Variants in SPOCK1 observed in about 807,000 individuals in gnomAD.
The protein encoded by SPOCK1 is testican-1.
SPOCK1 carries 23 observed loss-of-function variants against 55.3 expected under a neutral mutation model. The ratio of observed to expected loss-of-function variants is 0.42; its 90% confidence interval spans 0.30 to 0.59. The LOEUF is 0.59. Ranked by LOEUF, SPOCK1 falls within the 20% of genes least tolerant of loss-of-function variation. The pLI is 0.22. For missense variants in SPOCK1, 499 were observed against 552.5 expected (o/e 0.90, Z 0.97); for synonymous variants, 226 against 221.0 (o/e 1.02, Z -0.20).
chr5:137,159,293 C>A (rs1442071953), intron 3 of SPOCK1, among the ~76,000 whole-genome samples: 1 of 152,136 alleles, frequency 6.6e-6, no homozygotes, highest in East Asian at 1.9e-4. Context: ...TTTAAATATT[C>A]TAGGCCATAG....
chr5:137,179,683 G>C (rs1447015641), intron 3 of SPOCK1, among the ~76,000 whole-genome samples: 1 of 152,150 alleles, frequency 6.6e-6, no homozygotes, highest in Non-Finnish European at 1.5e-5. Context: ...CATTCCTGAG[G>C]TTGGGTAGCC....
At chr5:137,431,419 A>G (rs1752740520) in intron 2 of SPOCK1, among the ~76,000 whole-genome samples, 1 of 152,214 alleles carries the variant, frequency 6.6e-6, no homozygotes, top group South Asian at 2.1e-4. Context: ...TGAACATACT[A>G]TAACTGCCTT....
intron 2 of SPOCK1, among the ~76,000 whole-genome samples, chr5:137,333,961 C>G (rs1466597014): frequency 1.3e-5 from 2 of 152,166 alleles, no homozygotes; most frequent in African/African-American, 2.4e-5. Context: ...ATGTCCAATG[C>G]ATCACTGTGA....
Position 137,423,588 on chromosome 5 carries a change from C to T in SPOCK1, c.186+74785G>A, listed in dbSNP as rs188298557. Among the ~76,000 whole-genome samples, 307 of 152,298 alleles carry T rather than the reference C, an allele frequency of 2.0e-3. 6 individuals carry two copies. Among genetic ancestry groups the T allele is most frequent in the Admixed American group, 0.017 (258 of 15,306 alleles). On this transcript the variant is annotated intron_variant, in intron 2 of 10. Transcript: ENST00000394945. ...GGCAATGGACCCTCTGAGCCAGGCG[C>T]GGGATATAATCTCCTGGGGTGCCGT...
At chr5:137,138,705 C>G (rs928223288) in intron 4 of SPOCK1, among the ~76,000 whole-genome samples, 3 of 143,788 alleles carry the variant, frequency 2.1e-5, no homozygotes, top group East Asian at 2.2e-4. Context: ...ATAATAACCC[C>G]CCCCCCCCAA....
intron 2 of SPOCK1, among the ~76,000 whole-genome samples, chr5:137,493,797 A>G (rs963388133): frequency 6.6e-6 from 1 of 152,136 alleles, no homozygotes; most frequent in Non-Finnish European, 1.5e-5. Context: ...ACTAAGCCAT[A>G]CCACCTCTTT....
At chr5:137,276,674 A>G (rs1355056109) in intron 2 of SPOCK1, among the ~76,000 whole-genome samples, 5 of 152,212 alleles carry the variant, frequency 3.3e-5, no homozygotes, top group Admixed American at 6.5e-5. Context: ...TGATGGTTCT[A>G]TGACCTGGAG....
At chr5:137,320,904 C>T (rs185166893) in intron 2 of SPOCK1, among the ~76,000 whole-genome samples, 5 of 152,160 alleles carry the variant, frequency 3.3e-5, no homozygotes, top group South Asian at 4.2e-4. Context: ...AAATAAATAT[C>T]CAGAAATTGG....
rs76705082 is a variant in SPOCK1, at chr5:137,118,858, C to T, written c.348-6297G>A. ...AAACTGTTTTCGCTCTGCATATGAA[C>T]AGCTGCTGAAGGAGTAAAGCAATTC... is the stretch of plus-strand genomic sequence containing the variant. On this transcript the variant is annotated intron_variant, in intron 4 of 10. Coordinates refer to ENST00000394945, the MANE Select transcript of SPOCK1 (RefSeq NM_004598.4). 8.3e-4 allele frequency among the ~76,000 whole-genome samples: 127 copies of T among 152,330 alleles called. 9 individuals carry two copies. In the East Asian group the frequency reaches 0.024, roughly 29 times the overall value.
intron 3 of SPOCK1, among the ~76,000 whole-genome samples, chr5:137,210,740 T>C (rs1240020390): frequency 1.3e-5 from 2 of 152,148 alleles, no homozygotes; most frequent in Non-Finnish European, 2.9e-5. Flanking sequence ...GAGGTGAAGG[T>C]TTGCCCAGTG....
intron 5 of SPOCK1, among the ~76,000 whole-genome samples, chr5:137,091,933 A>G (rs1753061058): frequency 6.6e-6 from 1 of 152,108 alleles, no homozygotes; most frequent in African/African-American, 2.4e-5. Context: ...AAAGTGCTCA[A>G]TTATGTCAGT....
intron 5 of SPOCK1, among the ~76,000 whole-genome samples, chr5:137,087,781 C>A (rs539340310): frequency 6.6e-6 from 1 of 151,980 alleles, no homozygotes; most frequent in South Asian, 2.1e-4. Context: ...CCAAGCCCCA[C>A]GAGAGGGAGA....
At chr5:137,264,010 A>C (rs1756799935) in intron 3 of SPOCK1, among the ~76,000 whole-genome samples, 1 of 152,146 alleles carries the variant, frequency 6.6e-6, no homozygotes, top group Admixed American at 6.5e-5. Flanking sequence ...AAGCAATTAC[A>C]GCTAAGTAAC....
intron 3 of SPOCK1, among the ~76,000 whole-genome samples, chr5:137,143,013 T>C (rs1754127933): frequency 6.6e-6 from 1 of 152,230 alleles, no homozygotes; most frequent in Non-Finnish European, 1.5e-5. Flanking sequence ...GCGTTTCTGC[T>C]GCTTGAACAG....
At chr5:137,262,468 G>A (rs1388601771) in intron 3 of SPOCK1, among the ~76,000 whole-genome samples, 1 of 152,148 alleles carries the variant, frequency 6.6e-6, no homozygotes, top group Non-Finnish European at 1.5e-5. Context: ...CTGTTACCCA[G>A]ACCAACTCTA....
At chr5:137,260,168 A>G (rs941275041) in intron 3 of SPOCK1, among the ~76,000 whole-genome samples, 4 of 152,146 alleles carry the variant, frequency 2.6e-5, no homozygotes, top group African/African-American at 9.7e-5. Context: ...GCACATTTTA[A>G]CAGTGGCAGA....
intron 3 of SPOCK1, among the ~76,000 whole-genome samples, chr5:137,151,940 C>T (rs1561628367): frequency 6.6e-6 from 1 of 152,190 alleles, no homozygotes; most frequent in South Asian, 2.1e-4. Context: ...TATTTGAAGA[C>T]TATTCATTTC....
rs1191051173 is a variant in SPOCK1, at chr5:137,356,798, A to AATATATAT, written c.187-89751_187-89744dup. Among the ~76,000 whole-genome samples the AATATATAT allele has an allele frequency of 7.1e-3, 97 of 13,634 alleles. 3 individuals are homozygous for AATATATAT. Among genetic ancestry groups the AATATATAT allele is most frequent in the African/African-American group, 9.3e-3 (26 of 2,806 alleles). 8.9% of individuals were successfully genotyped at this position (13,634 alleles called of 152,430 possible). A position where few individuals can be genotyped will look rare whatever the true frequency, so the allele number is the denominator to read the frequency against. On this transcript the variant is annotated intron_variant, in intron 2 of 10. Transcript: ENST00000394945. ...AGAGCAAGACTGTCTCAAAAAAAAT[A>AATATATAT]ATATATATATATATATATATATATA...
At chr5:137,202,790 G>C (rs1238108658) in intron 3 of SPOCK1, among the ~76,000 whole-genome samples, 2 of 152,212 alleles carry the variant, frequency 1.3e-5, no homozygotes, top group African/African-American at 4.8e-5. Context: ...TAAAGGCTAA[G>C]GATGGGAATA....
Sources: gnomAD v4.1 joint callset for allele counts (sites outside exome capture counted in the v4.1 genomes callset) on GRCh38, gnomAD v4.1.1 for gene constraint, MANE v1.5 for transcripts, NCBI Gene and HGNC (gene_info 2026-07-23, HGNC 2026-07-21) for gene names.